The following PDE1A variants were observed in gnomAD, a reference collection of about 807,000 sequenced individuals.
PDE1A encodes dual specificity calcium/calmodulin-dependent 3',5'-cyclic nucleotide phosphodiesterase 1A.
Under a neutral mutation model 61.7 loss-of-function variants are expected in PDE1A, and 35 were observed. That is an observed-to-expected ratio of 0.57 (90% CI 0.43 to 0.75). PDE1A has a LOEUF of 0.75. PDE1A is among the 30% of genes least tolerant of loss of function. PDE1A has a pLI of 0.00. For synonymous variants in PDE1A, 232 were observed against 213.2 expected (o/e 1.09, Z -0.77); for missense variants, 597 against 630.6 (o/e 0.95, Z 0.57).
the PDE1A span, among the ~76,000 whole-genome samples, chr2:182,700,393 T>C: frequency 7.9e-5 from 12 of 151,412 alleles, no homozygotes; most frequent in Non-Finnish European, 1.6e-4. Context: ...CTGGCCAATA[T>C]GGCAAAACCC....
At chr2:182,302,152 C>T (rs2125919261) in intron 1 of PDE1A, among the ~76,000 whole-genome samples, 1 of 152,214 alleles carries the variant, frequency 6.6e-6, no homozygotes, top group East Asian at 1.9e-4. Context: ...ATAACTCAGC[C>T]CTTAACATTT....
chr2:182,221,864 T>C (rs1688756413), intron 7 of PDE1A, among the ~76,000 whole-genome samples: 1 of 151,926 alleles, frequency 6.6e-6, no homozygotes, highest in Non-Finnish European at 1.5e-5. Flanking sequence ...TCACTCTACC[T>C]CTCGAGGTCT....
intron 13 of PDE1A, among the ~76,000 whole-genome samples, chr2:182,151,940 G>A (rs1256605029): frequency 3.9e-5 from 6 of 152,124 alleles, no homozygotes; most frequent in East Asian, 1.9e-4. Flanking sequence ...CTATTCCAAC[G>A]CAAAATAGCC....
intron 1 of PDE1A, among the ~76,000 whole-genome samples, chr2:182,292,298 A>C (rs2125889216): frequency 6.6e-6 from 1 of 152,118 alleles, no homozygotes; most frequent in Middle Eastern, 3.4e-3. Context: ...TTATGCCTAA[A>C]TTTTCAACAA....
At chr2:182,385,908 C>T (rs1200698884) in intron 1 of PDE1A, among the ~76,000 whole-genome samples, 3 of 151,960 alleles carry the variant, frequency 2.0e-5, no homozygotes, top group Non-Finnish European at 4.4e-5. Context: ...CTCTGATGCC[C>T]GGCCGAAGCT....
intron 1 of PDE1A, among the ~76,000 whole-genome samples, chr2:182,305,431 T>C (rs982705756): frequency 4.6e-5 from 7 of 152,138 alleles, no homozygotes; most frequent in African/African-American, 1.7e-4. Context: ...CAATAAAACT[T>C]TATAAAAAGA....
chr2:182,557,030 C>T, the PDE1A span, among the ~76,000 whole-genome samples: 5 of 152,238 alleles, frequency 3.3e-5, no homozygotes, highest in Admixed American at 1.3e-4. Context: ...CACGGTGGCT[C>T]ATGCCTGTAA....
At chr2:182,650,409 T>C in the PDE1A span, among the ~76,000 whole-genome samples, 3 of 152,146 alleles carry the variant, frequency 2.0e-5, no homozygotes, top group African/African-American at 7.2e-5. Flanking sequence ...TTCAATAACA[T>C]TAAAAGTTAT....
intron 1 of PDE1A, among the ~76,000 whole-genome samples, chr2:182,340,262 C>T (rs1450467080): frequency 6.6e-6 from 1 of 152,136 alleles, no homozygotes; most frequent in Non-Finnish European, 1.5e-5. Context: ...TGTTATTCTT[C>T]AGAAAGTATG....
chr2:182,201,769 A>G (rs1435724677), exon 9 of PDE1A: 4 of 1,607,382 alleles, frequency 2.5e-6, no homozygotes, highest in African/African-American at 1.3e-5. Context: ...AACCATTTCA[A>G]TCACTAGGTT....
the PDE1A span, among the ~76,000 whole-genome samples, chr2:182,566,687 A>G: frequency 5.9e-5 from 9 of 152,140 alleles, no homozygotes; most frequent in Non-Finnish European, 8.8e-5. Flanking sequence ...ATTTGAGTCC[A>G]AACTTCTATA....
intron 1 of PDE1A, among the ~76,000 whole-genome samples, chr2:182,371,276 T>C (rs1185487055): frequency 6.6e-6 from 1 of 152,226 alleles, no homozygotes; most frequent in Non-Finnish European, 1.5e-5. Flanking sequence ...TTAGTTTCTA[T>C]TTAAGATCAA....
the PDE1A span, among the ~76,000 whole-genome samples, chr2:182,532,566 T>C: frequency 6.6e-6 from 1 of 152,102 alleles, no homozygotes. Context: ...AGGATCTTAC[T>C]GGGGTAATGA....
intron 1 of PDE1A, among the ~76,000 whole-genome samples, chr2:182,327,650 C>T (rs766736603): frequency 6.6e-6 from 1 of 152,136 alleles, no homozygotes; most frequent in African/African-American, 2.4e-5. Flanking sequence ...TGAGCTATGA[C>T]CACTGGGTTT....
downstream of PDE1A, among the ~76,000 whole-genome samples, chr2:182,143,742 C>T (rs1005506266): frequency 6.6e-6 from 1 of 152,138 alleles, no homozygotes. Flanking sequence ...GTCTCGATCT[C>T]CTGATCTCAT....
chr2:182,383,898 C>T (rs146846427), intron 1 of PDE1A, among the ~76,000 whole-genome samples: 1,906 of 152,282 alleles, frequency 0.013, 24 homozygotes, highest in South Asian at 0.048. Context: ...TTCCACCACA[C>T]GGCCTACTAC....
At chr2:182,559,849 G>A in the PDE1A span, among the ~76,000 whole-genome samples, 18 of 152,012 alleles carry the variant, frequency 1.2e-4, no homozygotes, top group Non-Finnish European at 2.2e-4. Context: ...AAGTATCATC[G>A]AGCAAAAGCC....
intron 7 of PDE1A, among the ~76,000 whole-genome samples, chr2:182,221,242 G>C (rs938628482): frequency 3.9e-5 from 6 of 151,950 alleles, no homozygotes; most frequent in Admixed American, 6.6e-5. Context: ...GCTGGAAGAG[G>C]CCAGCCCACT....
At chr2:182,541,238 G>A in the PDE1A span, among the ~76,000 whole-genome samples, 1 of 152,336 alleles carries the variant, frequency 6.6e-6, no homozygotes, top group East Asian at 1.9e-4. Context: ...CCATGGTGAT[G>A]CAGTAGAATC....
Sources: gnomAD v4.1 joint callset for allele counts (sites outside exome capture counted in the v4.1 genomes callset) on GRCh38, gnomAD v4.1.1 for gene constraint, MANE v1.5 for transcripts, NCBI Gene and HGNC (gene_info 2026-07-23, HGNC 2026-07-21) for gene names.